Variants in MAGI2 observed in about 807,000 individuals in gnomAD.
The protein encoded by MAGI2 is membrane associated guanylate kinase, WW and PDZ domain containing 2.
MAGI2 carries 35 observed loss-of-function variants against 133.3 expected under a neutral mutation model. The observed-to-expected ratio is 0.26, with a 90% CI of 0.20 to 0.35. MAGI2 has a LOEUF of 0.35. Among genes scored for constraint, MAGI2 ranks in the 10% least tolerant of loss-of-function variants. The pLI is 1.00. For missense variants in MAGI2, 1,636 were observed against 1,863.4 expected, an observed-to-expected ratio of 0.88 and a Z score of 2.25; for synonymous variants, 729 against 710.6, an observed-to-expected ratio of 1.03 and a Z score of -0.41.
chr7:78,578,653 A>G (rs775079173), intron 3 of MAGI2, among the ~76,000 whole-genome samples: 1 of 152,106 alleles, frequency 6.6e-6, no homozygotes, highest in Admixed American at 6.6e-5. Flanking sequence ...AGAAAGGAAG[A>G]AGGAGGACTG....
intron 12 of MAGI2, among the ~76,000 whole-genome samples, chr7:78,190,404 C>T (rs1205063055): frequency 6.6e-6 from 1 of 152,060 alleles, no homozygotes; most frequent in African/African-American, 2.4e-5. Context: ...TAGAGATATG[C>T]TTTTCTTGAA....
At chr7:78,824,546 C>CAT (rs1479131220) in intron 2 of MAGI2, among the ~76,000 whole-genome samples, 4 of 152,076 alleles carry the variant, frequency 2.6e-5, no homozygotes, top group African/African-American at 9.7e-5. Context: ...AGCTTTTTTT[C>CAT]ATGTTTGTTG....
intron 4 of MAGI2, among the ~76,000 whole-genome samples, chr7:78,507,954 A>T (rs1795233227): frequency 6.6e-6 from 1 of 152,232 alleles, no homozygotes; most frequent in Admixed American, 6.5e-5. Context: ...TCAGGAGGTT[A>T]AAGTCCTATA....
chr7:78,089,716 A>G (rs764857130), intron 20 of MAGI2, among the ~76,000 whole-genome samples: 2 of 152,144 alleles, frequency 1.3e-5, no homozygotes, highest in Non-Finnish European at 2.9e-5. Flanking sequence ...CGTCAGTTCT[A>G]CATGTACCCT....
chr7:79,227,090 T>C (rs1278608852), intron 1 of MAGI2, among the ~76,000 whole-genome samples: 2 of 152,180 alleles, frequency 1.3e-5, no homozygotes, highest in Non-Finnish European at 2.9e-5. Context: ...AAACATCCAA[T>C]TTCAGGGTTC....
intron 1 of MAGI2, among the ~76,000 whole-genome samples, chr7:79,245,900 TC>T (rs1832790030): frequency 1.3e-5 from 2 of 152,104 alleles, no homozygotes. Context: ...GAGTCACCCT[TC>T]CCCCAGCACC....
chr7:78,743,570 G>A (rs1353082022), intron 2 of MAGI2, among the ~76,000 whole-genome samples: 1 of 152,052 alleles, frequency 6.6e-6, no homozygotes, highest in South Asian at 2.1e-4. Flanking sequence ...TTCTTCTACT[G>A]GACTGTAACC....
At chr7:78,342,169 A>T (rs1790447631) in intron 9 of MAGI2, among the ~76,000 whole-genome samples, 1 of 152,230 alleles carries the variant, frequency 6.6e-6, no homozygotes. Flanking sequence ...CACTTCTCAA[A>T]AGAAGACATT....
At chr7:79,280,495 C>T (rs1275592346) in intron 1 of MAGI2, among the ~76,000 whole-genome samples, 2 of 151,826 alleles carry the variant, frequency 1.3e-5, no homozygotes, top group Non-Finnish European at 2.9e-5. Flanking sequence ...GGAAGATTTT[C>T]CATGTAGCAT....
At chr7:78,243,580 T>C (rs564769815) in intron 10 of MAGI2, among the ~76,000 whole-genome samples, 19 of 152,306 alleles carry the variant, frequency 1.2e-4, no homozygotes, top group African/African-American at 3.8e-4. Flanking sequence ...AGCTATGATA[T>C]AGTCTATGAT....
rs188553836 is a variant in MAGI2 at position 79,093,904 on chromosome 7, G to A, written c.302-86698C>T. On this transcript the variant is annotated intron_variant, in intron 1 of 21. Coordinates refer to ENST00000354212, the MANE Select transcript of MAGI2 (RefSeq NM_012301.4). ...TAATTTTTGTATTTTTAGTAGAGAC[G>A]AGGTTTCACCAAGTTGGCCAGGATG... 8.0e-4 allele frequency among the ~76,000 whole-genome samples: 122 copies of A among 151,770 alleles called. 1 individual carries two copies. The highest frequency in any genetic ancestry group is 2.8e-3 in the African/African-American group (115 of 41,388).
intron 21 of MAGI2, among the ~76,000 whole-genome samples, chr7:78,056,111 A>G (rs1273227857): frequency 6.6e-6 from 1 of 152,076 alleles, no homozygotes; most frequent in Non-Finnish European, 1.5e-5. Flanking sequence ...ACCACGTTCT[A>G]TGTCCTGTTT....
chr7:78,446,260 A>G (rs1446218839), intron 6 of MAGI2, among the ~76,000 whole-genome samples: 1 of 152,050 alleles, frequency 6.6e-6, no homozygotes, highest in Non-Finnish European at 1.5e-5. Context: ...TTACTCGGCC[A>G]TACTTCAGTA....
chr7:78,519,101 C>T (rs1264843436), intron 4 of MAGI2: 1 of 136,354 alleles, frequency 7.3e-6, no homozygotes, highest in African/African-American at 2.8e-5. Flanking sequence ...ATGTGAAGAA[C>T]ACGAAGGCAG....
intron 7 of MAGI2, among the ~76,000 whole-genome samples, chr7:78,347,831 T>G (rs1449422024): frequency 2.0e-5 from 3 of 152,180 alleles, no homozygotes; most frequent in African/African-American, 7.2e-5. Context: ...AATAAAACGT[T>G]ATTGTAATGC....
At chr7:79,013,005 C>T (rs1808327199) in intron 1 of MAGI2, among the ~76,000 whole-genome samples, 1 of 152,138 alleles carries the variant, frequency 6.6e-6, no homozygotes, top group Admixed American at 6.6e-5. Flanking sequence ...AATAGCCCCA[C>T]CTCCTAATGT....
intron 9 of MAGI2, among the ~76,000 whole-genome samples, chr7:78,328,502 A>ACACACACACACACACACACAC (rs368253994): frequency 9.5e-6 from 1 of 105,096 alleles, no homozygotes; most frequent in African/African-American, 4.0e-5. Flanking sequence ...CCAGCTCTAA[A>ACACACACACACACACACACAC]ACACACACAC....
At chr7:78,866,559 T>C (rs1038031281) in intron 2 of MAGI2, among the ~76,000 whole-genome samples, 3 of 151,986 alleles carry the variant, frequency 2.0e-5, no homozygotes, top group African/African-American at 7.2e-5. Flanking sequence ...GATTCTTCCA[T>C]AGTCAATCCC....
chr7:78,358,761 T>G (rs1410348257), intron 7 of MAGI2: 1 of 202,214 alleles, frequency 4.9e-6, no homozygotes, highest in Non-Finnish European at 1.0e-5. Context: ...AAGGCCAAGA[T>G]GCACTACAGG....
Sources: allele counts gnomAD v4.1 joint callset (sites outside exome capture counted in the v4.1 genomes callset), GRCh38; gene constraint gnomAD v4.1.1; transcripts MANE v1.5; gene names NCBI Gene and HGNC (gene_info 2026-07-23, HGNC 2026-07-21).